CREB5: variants seen among roughly 807,000 people sequenced by gnomAD.
CREB5 encodes the protein cAMP responsive element binding protein 5.
In CREB5, 19 loss-of-function variants were observed where a neutral mutation model predicts 57.1. That is an observed-to-expected ratio of 0.33 (90% CI 0.23 to 0.49). The LOEUF is 0.49. Ranked by LOEUF, CREB5 falls within the 20% of genes least tolerant of loss-of-function variation. The pLI, the probability that CREB5 is intolerant of heterozygous loss-of-function variation, is 0.99. For missense variants in CREB5, 579 were observed against 671.6 expected (o/e 0.86, Z 1.52); for synonymous variants, 238 against 238.3 (o/e 1.00, Z 0.01).
chr7:28,515,089 C>CATGTCCACATATGGACATGAATTA (rs1387797488), intron 4 of CREB5, among the ~76,000 whole-genome samples: 12 of 152,300 alleles, frequency 7.9e-5, no homozygotes, highest in African/African-American at 2.6e-4. Flanking sequence ...AAAGCATATT[C>CATGTCCACATATGGACATGAATTA]ATGTCCACAT....
chr7:28,376,379 C>T (rs936236915), intron 1 of CREB5, among the ~76,000 whole-genome samples: 2 of 151,572 alleles, frequency 1.3e-5, no homozygotes, highest in Non-Finnish European at 2.9e-5. Flanking sequence ...AGCGATTCTC[C>T]TGCCTCAGCC....
chr7:28,718,540 T>C (rs1207084551), intron 5 of CREB5, among the ~76,000 whole-genome samples: 1 of 152,192 alleles, frequency 6.6e-6, no homozygotes, highest in Non-Finnish European at 1.5e-5. Flanking sequence ...GGAAATGAAG[T>C]GGAATTTGAT....
At chr7:28,686,457 A>G (rs1273190534) in intron 5 of CREB5, among the ~76,000 whole-genome samples, 1 of 150,570 alleles carries the variant, frequency 6.6e-6, no homozygotes, top group Non-Finnish European at 1.5e-5. Flanking sequence ...TGAGTTGAAC[A>G]GAGGCCGGGT....
intron 7 of CREB5, among the ~76,000 whole-genome samples, chr7:28,754,271 C>T (rs746852059): frequency 4.6e-5 from 7 of 152,162 alleles, no homozygotes; most frequent in Non-Finnish European, 1.0e-4. Context: ...CAAAGGCCCT[C>T]GGTTTGTTTG....
intron 5 of CREB5, among the ~76,000 whole-genome samples, chr7:28,606,013 A>G (rs1223592199): frequency 2.0e-5 from 3 of 152,198 alleles, no homozygotes; most frequent in East Asian, 3.8e-4. Flanking sequence ...AAATTTCACT[A>G]TATGCAATTT....
chr7:28,365,447 A>G (rs1786567512), intron 1 of CREB5, among the ~76,000 whole-genome samples: 2 of 152,078 alleles, frequency 1.3e-5, no homozygotes, highest in African/African-American at 4.8e-5. Context: ...TCCTCAATGC[A>G]TTATCAGTTT....
intron 5 of CREB5, among the ~76,000 whole-genome samples, chr7:28,700,877 G>A (rs1801818949): frequency 6.6e-6 from 1 of 151,564 alleles, no homozygotes; most frequent in Non-Finnish European, 1.5e-5. Context: ...TAGGCATCCA[G>A]CTAGATGGTC....
intron 8 of CREB5, among the ~76,000 whole-genome samples, chr7:28,805,133 G>A (rs1387836820): frequency 1.3e-5 from 2 of 152,158 alleles, no homozygotes; most frequent in Admixed American, 6.5e-5. Flanking sequence ...ATGCGTTGGA[G>A]GGAACAGAAA....
rs986693659 is a variant in CREB5, at chr7:28,825,629, C to T, written c.*6350C>T. On this transcript the variant is annotated 3_prime_UTR_variant, in exon 11 of 11. Transcript: ENST00000357727. ...GTTTGTTTGTCTATTTGTAAAGCAA[C>T]CACCTTCCTTATTGGAAGGAGAAAA... 3.9e-5 allele frequency: 6 copies of T among 152,570 alleles called. No individual in the cohort carries two copies. Among genetic ancestry groups the T allele is most frequent in the Non-Finnish European group, 7.4e-5 (5 of 68,024 alleles). 9.5% of individuals were successfully genotyped at this position (152,570 alleles called of 1,614,324 possible).
At chr7:28,689,602 G>A (rs1801142566) in intron 5 of CREB5, among the ~76,000 whole-genome samples, 1 of 152,080 alleles carries the variant, frequency 6.6e-6, no homozygotes. Flanking sequence ...CATTGATCCT[G>A]TTCTGCGTTC....
intron 1 of CREB5, among the ~76,000 whole-genome samples, chr7:28,374,288 A>T (rs1430180474): frequency 6.6e-6 from 1 of 152,198 alleles, no homozygotes; most frequent in Non-Finnish European, 1.5e-5. Flanking sequence ...AAATGGTGCA[A>T]TGGAGAAGTT....
intron 5 of CREB5, among the ~76,000 whole-genome samples, chr7:28,635,627 C>G (rs1344572211): frequency 1.3e-5 from 2 of 152,176 alleles, no homozygotes; most frequent in African/African-American, 4.8e-5. Flanking sequence ...CAACACTATT[C>G]TTTCTTCATA....
chr7:28,705,846 C>A (rs529872079), intron 5 of CREB5, among the ~76,000 whole-genome samples: 1 of 152,122 alleles, frequency 6.6e-6, no homozygotes, highest in Non-Finnish European at 1.5e-5. Flanking sequence ...ATCATTTAAA[C>A]GTAAACAAAA....
intron 1 of CREB5, among the ~76,000 whole-genome samples, chr7:28,331,754 CAGG>C (rs919117793): frequency 1.4e-5 from 2 of 148,100 alleles, no homozygotes; most frequent in Non-Finnish European, 3.0e-5. Flanking sequence ...GGGGCTGAGG[CAGG>C]AGAAGTGCTT....
At chr7:28,745,756 C>A (rs779723970) in intron 7 of CREB5, among the ~76,000 whole-genome samples, 2 of 152,364 alleles carry the variant, frequency 1.3e-5, no homozygotes, top group East Asian at 1.9e-4. Flanking sequence ...CTTCTTACCC[C>A]TGGCAGTCCT....
intron 7 of CREB5, among the ~76,000 whole-genome samples, chr7:28,798,548 A>C (rs1001028059): frequency 1.3e-5 from 2 of 152,186 alleles, no homozygotes; most frequent in African/African-American, 4.8e-5. Context: ...CAGCGGCCAC[A>C]CTCGGATGGG....
intron 1 of CREB5, among the ~76,000 whole-genome samples, chr7:28,311,629 C>T (rs964856437): frequency 6.6e-6 from 1 of 152,224 alleles, no homozygotes; most frequent in Non-Finnish European, 1.5e-5. Context: ...TTGCCACAGA[C>T]TCTGATTTAA....
At chr7:28,317,686 G>A (rs1785409332) in intron 1 of CREB5, among the ~76,000 whole-genome samples, 1 of 152,126 alleles carries the variant, frequency 6.6e-6, no homozygotes, top group South Asian at 2.1e-4. Context: ...ATTAAATTAG[G>A]TAATCTATGT....
At chr7:28,510,547 A>G (rs1440399721) in intron 4 of CREB5, among the ~76,000 whole-genome samples, 1 of 152,242 alleles carries the variant, frequency 6.6e-6, no homozygotes, top group Non-Finnish European at 1.5e-5. Flanking sequence ...TTCTAGCTGC[A>G]GTTGGTCTAG....
Sources: gnomAD v4.1 joint callset for allele counts (sites outside exome capture counted in the v4.1 genomes callset) on GRCh38, gnomAD v4.1.1 for gene constraint, MANE v1.5 for transcripts, NCBI Gene and HGNC (gene_info 2026-07-23, HGNC 2026-07-21) for gene names.